NRXN3: variants seen among roughly 807,000 people sequenced by gnomAD.
NRXN3 encodes the protein neurexin III.
Under a neutral mutation model 137.6 loss-of-function variants are expected in NRXN3, and 32 were observed. The ratio of observed to expected loss-of-function variants is 0.23; its 90% CI spans 0.18 to 0.31. The LOEUF (loss-of-function observed/expected upper bound fraction) is 0.31, where lower values mean the gene tolerates loss of function less well. Among genes scored for constraint, NRXN3 ranks in the 10% least tolerant of loss-of-function variants. The probability of loss-of-function intolerance (pLI) is 1.00; values close to 1 mark genes in which losing one functional copy is unlikely to be tolerated. For synonymous variants in NRXN3, 798 were observed against 784.5 expected, an observed-to-expected ratio of 1.02 and a Z score of -0.29; for missense variants, 1,574 against 2,062.5, an observed-to-expected ratio of 0.76 and a Z score of 4.59.
intron 15 of NRXN3, among the ~76,000 whole-genome samples, chr14:79,150,716 A>G (rs2059724841): frequency 6.6e-6 from 1 of 152,064 alleles, no homozygotes; most frequent in Non-Finnish European, 1.5e-5. Flanking sequence ...AATAAAAAAA[A>G]AAAAAGAAAA....
At chr14:78,702,227 A>G (rs1161150035) in intron 6 of NRXN3, among the ~76,000 whole-genome samples, 2 of 152,050 alleles carry the variant, frequency 1.3e-5, no homozygotes, top group Non-Finnish European at 2.9e-5. Flanking sequence ...CATAAATGTC[A>G]CATTAGGCAA....
rs1192992604 is a variant in NRXN3, at chr14:78,645,294, A to G, written c.932A>G (p.Lys311Arg). ...GCTGACTATGTCAACCTGGCTCTGA[A>G]GGATGGTGCGGTCTCCTTGGTCATT... is the stretch of plus-strand genomic sequence containing the variant. ...KSADYVNLAL[K>R]DGAVSLVINL... Residue 311 changes from lysine (K) to arginine (R), a missense_variant, in exon 5 of 21, where the codon AAG (lysine) becomes AGG (arginine). Lys to Arg is a conservative substitution (Grantham distance 26). This residue lies in a region of NRXN3 where 400 missense variants were observed against 527.3 expected (regional missense o/e 0.76). Transcript: ENST00000335750. 1.3e-6 allele frequency: 2 copies of G among 1,598,774 alleles called. No individual in the cohort carries two copies. Among genetic ancestry groups the G allele is most frequent in the African/African-American group, 1.3e-5 (1 of 74,924 alleles).
chr14:79,507,586 A>G (rs1427626183), intron 16 of NRXN3, among the ~76,000 whole-genome samples: 1 of 152,108 alleles, frequency 6.6e-6, no homozygotes, highest in Non-Finnish European at 1.5e-5. Context: ...AAATAGAGAA[A>G]TGGGGATTTC....
intron 15 of NRXN3, among the ~76,000 whole-genome samples, chr14:79,260,285 C>T (rs1016446876): frequency 6.6e-6 from 1 of 151,848 alleles, no homozygotes; most frequent in Non-Finnish European, 1.5e-5. Flanking sequence ...TTTTATAAGA[C>T]TCTAGCTAAA....
At chr14:78,558,095 T>C (rs1365079286) in intron 4 of NRXN3, among the ~76,000 whole-genome samples, 1 of 152,206 alleles carries the variant, frequency 6.6e-6, no homozygotes, top group Non-Finnish European at 1.5e-5. Flanking sequence ...ATGGTTTGGC[T>C]CCAGAGTTTG....
intron 16 of NRXN3, among the ~76,000 whole-genome samples, chr14:79,596,552 A>G (rs1475958074): frequency 3.3e-5 from 5 of 151,554 alleles, no homozygotes; most frequent in Admixed American, 3.3e-4. Flanking sequence ...TAAACCTGAG[A>G]GGGGCTTCTG....
chr14:79,379,359 G>T (rs1297961271), intron 15 of NRXN3, among the ~76,000 whole-genome samples: 1 of 152,120 alleles, frequency 6.6e-6, no homozygotes, highest in East Asian at 1.9e-4. Flanking sequence ...GTGAGCATTA[G>T]TCTCAAGGTA....
chr14:79,301,549 T>C (rs1208246519), intron 15 of NRXN3, among the ~76,000 whole-genome samples: 2 of 152,042 alleles, frequency 1.3e-5, no homozygotes, highest in Non-Finnish European at 2.9e-5. Flanking sequence ...ATGGTCCTTG[T>C]GTGACAGAAG....
chr14:78,960,594 ATAAT>A (rs2099406204), intron 11 of NRXN3, among the ~76,000 whole-genome samples: 1 of 152,202 alleles, frequency 6.6e-6, no homozygotes, highest in African/African-American at 2.4e-5. Flanking sequence ...ACAGTTAATA[ATAAT>A]TGATTGATCT....
At chr14:78,629,476 G>A (rs1601603200) in intron 4 of NRXN3, among the ~76,000 whole-genome samples, 1 of 152,288 alleles carries the variant, frequency 6.6e-6, no homozygotes, top group East Asian at 1.9e-4. Context: ...GCAGCACTCG[G>A]GAATGCAAGA....
At chr14:79,554,942 A>G (rs556785783) in intron 16 of NRXN3, among the ~76,000 whole-genome samples, 1 of 152,210 alleles carries the variant, frequency 6.6e-6, no homozygotes, top group East Asian at 1.9e-4. Context: ...AGTTTGGTTG[A>G]TTCCCATGCA....
chr14:79,462,504 T>TATATAC lies in NRXN3; in HGVS notation c.3263-4716_3263-4715insTATACA, dbSNP rs35140128. On this transcript the variant is annotated intron_variant, in intron 15 of 20. Coordinates refer to ENST00000335750, the MANE Select transcript of NRXN3 (RefSeq NM_001330195.2). ...GGAAGGCTATTTTGATATATATATA[T>TATATAC]ACACACATATATGTATATATATATA... 1.7e-3 allele frequency among the ~76,000 whole-genome samples: 248 copies of TATATAC among 149,914 alleles called. 1 individual carries two copies. Among genetic ancestry groups the TATATAC allele is most frequent in the Non-Finnish European group, 2.7e-3 (183 of 67,590 alleles).
At chr14:79,180,484 A>C (rs1242329141) in intron 15 of NRXN3, among the ~76,000 whole-genome samples, 1 of 152,222 alleles carries the variant, frequency 6.6e-6, no homozygotes, top group East Asian at 1.9e-4. Flanking sequence ...TTTCACTGGT[A>C]CTAGAAACAG....
chr14:79,513,288 G>T (rs897409387), intron 16 of NRXN3, among the ~76,000 whole-genome samples: 8 of 141,128 alleles, frequency 5.7e-5, no homozygotes, highest in African/African-American at 2.4e-4. Flanking sequence ...CATTTTATTT[G>T]TTGGTTTTAT....
At chr14:78,716,624 G>C (rs760757134) in intron 8 of NRXN3, among the ~76,000 whole-genome samples, 1 of 152,192 alleles carries the variant, frequency 6.6e-6, no homozygotes, top group Non-Finnish European at 1.5e-5. Flanking sequence ...TCAGAAGATA[G>C]GTGATGTGGA....
At chr14:78,926,047 G>T (rs1266146400) in intron 10 of NRXN3, among the ~76,000 whole-genome samples, 1 of 152,050 alleles carries the variant, frequency 6.6e-6, no homozygotes. Flanking sequence ...AAACTCCCAA[G>T]ACCACAGAAT....
At chr14:79,535,311 C>T (rs2097201610) in intron 16 of NRXN3, among the ~76,000 whole-genome samples, 1 of 152,132 alleles carries the variant, frequency 6.6e-6, no homozygotes, top group African/African-American at 2.4e-5. Context: ...TCATTATGCT[C>T]GCTGACTGAT....
At chr14:79,821,907 A>G (rs955388655) in intron 20 of NRXN3, among the ~76,000 whole-genome samples, 1 of 152,074 alleles carries the variant, frequency 6.6e-6, no homozygotes, top group Non-Finnish European at 1.5e-5. Flanking sequence ...TTGATATTAT[A>G]TATTAAGATT....
Position 79,202,794 on chromosome 14 carries a change from G to T in NRXN3, c.3262+214653G>T, listed in dbSNP as rs371507924. 1.1e-4 allele frequency among the ~76,000 whole-genome samples: 16 copies of T among 152,130 alleles called. No homozygotes were observed. In the South Asian group the frequency reaches 3.1e-3, roughly 30 times the overall value. ...CCACTCATTGATTAATGGGCATTTG[G>T]GTTGGTTCCACAATTTTTGCAATTG... On this transcript the variant is annotated intron_variant, in intron 15 of 20. Transcript: ENST00000335750.
Sources: allele counts gnomAD v4.1 joint callset (sites outside exome capture counted in the v4.1 genomes callset), GRCh38; gene constraint gnomAD v4.1.1; regional missense constraint gnomAD v4.1.1; transcripts MANE v1.5; gene names NCBI Gene and HGNC (gene_info 2026-07-23, HGNC 2026-07-21).